SRGAP2: variants seen among roughly 807,000 people sequenced by gnomAD.
SRGAP2 encodes the protein SLIT-ROBO Rho GTPase-activating protein 2.
Under a neutral mutation model 57.2 loss-of-function variants are expected in SRGAP2, and 15 were observed. The observed-to-expected ratio is 0.26, with a 90% CI of 0.18 to 0.40. The LOEUF (loss-of-function observed/expected upper bound fraction) is 0.40, where lower values mean the gene tolerates loss of function less well. SRGAP2 is among the 10% of genes least tolerant of loss of function. SRGAP2 has a pLI of 1.00. For missense variants in SRGAP2, 520 were observed against 669.6 expected (o/e 0.78, Z 2.47); for synonymous variants, 249 against 248.0 (o/e 1.00, Z -0.04).
At chr1:206,374,528 A>C (rs1165723080) in intron 4 of SRGAP2, among the ~76,000 whole-genome samples, 2 of 137,790 alleles carry the variant, frequency 1.5e-5, no homozygotes, top group African/African-American at 2.9e-5. Context: ...AAGAATATTG[A>C]TTTTTCTTTT....
At chr1:206,309,533 CTAAA>C (rs1558294196) in intron 3 of SRGAP2, among the ~76,000 whole-genome samples, 1 of 146,580 alleles carries the variant, frequency 6.8e-6, no homozygotes, top group Non-Finnish European at 1.5e-5. Flanking sequence ...ATTCAAGAAA[CTAAA>C]TAGGACTGGA....
chr1:206,226,999 C>T (rs1397828735), intron 2 of SRGAP2, among the ~76,000 whole-genome samples: 1 of 151,986 alleles, frequency 6.6e-6, no homozygotes, highest in African/African-American at 2.4e-5. Context: ...AGCATGAGTG[C>T]GAGCCTCTGA....
At chr1:206,205,202 G>A (rs1665805418) in intron 1 of SRGAP2, 1 of 151,934 alleles carries the variant, frequency 6.6e-6, no homozygotes, top group African/African-American at 2.4e-5. Flanking sequence ...TCCCCGCCCG[G>A]AGCCCGCGCA....
chr1:206,458,931 C>CTG lies in SRGAP2; in HGVS notation c.2817_2818dup (p.Glu940ValfsTer12). 1 of 773,410 alleles carries CTG rather than the reference C, an allele frequency of 1.3e-6. No homozygotes were observed. Among genetic ancestry groups the CTG allele is most frequent in the East Asian group, 2.4e-5 (1 of 40,976 alleles). 47.9% of individuals were successfully genotyped at this position (773,410 alleles called of 1,614,324 possible). Reference sequence around the variant, plus strand: ...TTCAATAACCATCGGCCCATGGACCCTGAGGTCATTGCTCAGGTAACTGTG... The same window carrying CTG: ...TTCAATAACCATCGGCCCATGGACCCTGTGAGGTCATTGCTCAGGTAACTGTG... On this transcript the variant is annotated frameshift_variant, in exon 22 of 23. Coordinates refer to ENST00000573034, the MANE Select transcript of SRGAP2 (RefSeq NM_015326.5). LOFTEE classifies it high-confidence loss of function.
Position 206,311,817 on chromosome 1 carries a change from A to G in SRGAP2, c.260+8344A>G, listed in dbSNP as rs1571823903. Among the ~76,000 whole-genome samples the G allele has an allele frequency of 3.3e-5, 5 of 149,572 alleles. No homozygotes were observed. The South Asian group carries it at 6.8e-4, about 20-fold the overall frequency. ...TGATCAATTGGAGCAGAGAGACTGG[A>G]AGGAGGAGGACCTGTTAAGAAAGGA... On this transcript the variant is annotated intron_variant, in intron 3 of 22. Transcript: ENST00000573034.
chr1:206,424,481 C>T (rs1660619407), intron 13 of SRGAP2, among the ~76,000 whole-genome samples: 1 of 152,082 alleles, frequency 6.6e-6, no homozygotes, highest in African/African-American at 2.4e-5. Context: ...ATGGTAAAAC[C>T]CCGTCTCTAC....
intron 4 of SRGAP2, among the ~76,000 whole-genome samples, chr1:206,353,724 T>TAAA (rs1676212620): frequency 7.0e-6 from 1 of 142,996 alleles, no homozygotes; most frequent in Admixed American, 6.8e-5. Flanking sequence ...AAATAAATAA[T>TAAA]TAAAACAACC....
chr1:206,429,474 T>C (rs546700492), intron 13 of SRGAP2, among the ~76,000 whole-genome samples: 6 of 152,336 alleles, frequency 3.9e-5, no homozygotes, highest in African/African-American at 1.4e-4. Context: ...CCAACAAATA[T>C]TCACATCCAC....
At chr1:206,417,152 G>A (rs1485491979) in intron 11 of SRGAP2, among the ~76,000 whole-genome samples, 2 of 142,450 alleles carry the variant, frequency 1.4e-5, no homozygotes, top group African/African-American at 2.7e-5. Flanking sequence ...CACCCAGGCT[G>A]GAGTGGAGTG....
chr1:206,339,963 C>T (rs139524874), intron 3 of SRGAP2, among the ~76,000 whole-genome samples: 41,351 of 91,316 alleles, frequency 0.45, 11,041 homozygotes, highest in African/African-American at 0.74. Flanking sequence ...GGTAATTTTG[C>T]ATTTTTAGTA....
chr1:206,264,331 A>G (rs1409760121), intron 2 of SRGAP2, among the ~76,000 whole-genome samples: 1 of 152,086 alleles, frequency 6.6e-6, no homozygotes, highest in East Asian at 1.9e-4. Flanking sequence ...CTTGCATAAT[A>G]TAATTTTGGA....
chr1:206,374,211 G>A (rs1255442240), intron 4 of SRGAP2, among the ~76,000 whole-genome samples: 3 of 150,808 alleles, frequency 2.0e-5, no homozygotes, highest in Admixed American at 6.6e-5. Context: ...TGTATTTTTA[G>A]TAGAGATGGG....
intron 2 of SRGAP2, among the ~76,000 whole-genome samples, chr1:206,296,498 C>A (rs1456289646): frequency 1.3e-5 from 2 of 151,564 alleles, no homozygotes; most frequent in Non-Finnish European, 2.9e-5. Flanking sequence ...GGCACAATCA[C>A]GGCTCACTGT....
intron 10 of SRGAP2, among the ~76,000 whole-genome samples, chr1:206,413,725 G>A (rs1659421162): frequency 6.6e-6 from 1 of 152,122 alleles, no homozygotes; most frequent in Non-Finnish European, 1.5e-5. Flanking sequence ...GGGATGCAAA[G>A]GATAATGAAT....
intron 4 of SRGAP2, among the ~76,000 whole-genome samples, chr1:206,358,224 A>G (rs1432274099): frequency 6.6e-6 from 1 of 150,724 alleles, no homozygotes; most frequent in Admixed American, 6.6e-5. Flanking sequence ...GAAATTACTC[A>G]TACCCTCACT....
At chr1:206,307,166 A>G (rs1428995746) in intron 3 of SRGAP2, among the ~76,000 whole-genome samples, 1 of 152,334 alleles carries the variant, frequency 6.6e-6, no homozygotes, top group East Asian at 1.9e-4. Context: ...TGTGTTTACA[A>G]ACCTTGAGCT....
chr1:206,313,025 C>T (rs1672780686), intron 3 of SRGAP2, among the ~76,000 whole-genome samples: 2 of 151,526 alleles, frequency 1.3e-5, no homozygotes, highest in Admixed American at 1.3e-4. Flanking sequence ...TTTTGATCTC[C>T]TGCTTTTAAT....
At chr1:206,230,812 G>C (rs1667590607) in intron 2 of SRGAP2, among the ~76,000 whole-genome samples, 1 of 143,592 alleles carries the variant, frequency 7.0e-6, no homozygotes, top group Admixed American at 6.7e-5. Context: ...TTTTTTAGTA[G>C]AGATGGGGTT....
At position 206,454,555 on chromosome 1, in the gene SRGAP2, G is replaced by T. The variant is rs1572199664; in HGVS notation, c.2361-323G>T. On this transcript the variant is annotated intron_variant, in intron 20 of 22. Transcript: ENST00000573034. The surrounding 1 kb of genome is among the most constrained non-coding windows in gnomAD (Gnocchi z 4.3). Reference sequence around the variant, plus strand: ...GACTTGCCGCCTCCTTCTCCAGGAGGCCGCCCCAGCACGGCCTCCCCAGGA... The same window carrying T: ...GACTTGCCGCCTCCTTCTCCAGGAGTCCGCCCCAGCACGGCCTCCCCAGGA... 1 of 407,102 alleles carries T rather than the reference G, an allele frequency of 2.5e-6. No individual in the cohort carries two copies. Among genetic ancestry groups the T allele is most frequent in the Non-Finnish European group, 4.4e-6 (1 of 228,740 alleles). 25.2% of individuals were successfully genotyped at this position (407,102 alleles called of 1,614,324 possible). A position where few individuals can be genotyped will look rare whatever the true frequency, so the allele number is the denominator to read the frequency against.
Sources: gnomAD v4.1 joint callset for allele counts (sites outside exome capture counted in the v4.1 genomes callset) on GRCh38, gnomAD v4.1.1 for gene constraint, Gnocchi (gnomAD v3.1) non-coding constraint, MANE v1.5 for transcripts, NCBI Gene and HGNC (gene_info 2026-07-23, HGNC 2026-07-21) for gene names.